Variants in CDH16 observed in about 807,000 individuals in gnomAD.
CDH16 encodes cadherin 16.
Under a neutral mutation model 87.6 loss-of-function variants are expected in CDH16, and 79 were observed. The observed-to-expected ratio is 0.90, with a 90% CI of 0.75 to 1.09. The LOEUF is 1.09. Among genes scored for constraint, CDH16 ranks in the 50% least tolerant of loss-of-function variants. The pLI is 0.00. For synonymous variants in CDH16, 457 were observed against 439.5 expected (o/e 1.04, Z -0.50); for missense variants, 1,124 against 1,071.7 (o/e 1.05, Z -0.68).
At chr16:66,912,609 G>C in intron 10 of CDH16, 29 bp from the exon 11 acceptor site, 1 of 1,614,142 alleles carries the variant, frequency 6.2e-7, no homozygotes, top group Non-Finnish European at 8.5e-7. Context: ...TGTTGGTGAG[G>C]TCAGGGTAGG....
chr16:66,908,242 C>T lies in CDH16; in HGVS notation c.*150G>A. ...TGGTGTCCAGGCTCTGCAGACATGC[C>T]TGGTGATGGTGATGGTGCCTCCACC... On this transcript the variant is annotated 3_prime_UTR_variant, in exon 18 of 18. Coordinates refer to ENST00000299752, the MANE Select transcript of CDH16 (RefSeq NM_004062.4). The T allele has an allele frequency of 1.6e-6, 1 of 633,558 alleles. No individual in the cohort carries two copies. Among genetic ancestry groups the T allele is most frequent in the Non-Finnish European group, 2.8e-6 (1 of 357,802 alleles). The allele number at this position is 633,558 out of a possible 1,614,324, so 39.2% of individuals were successfully genotyped here. A position where few individuals can be genotyped will look rare whatever the true frequency, so the allele number is the denominator to read the frequency against.
chr16:66,913,023 T>TGTGTG, intron 9 of CDH16, 108 bp downstream of exon 9: 4 of 1,282,286 alleles, frequency 3.1e-6, no homozygotes, highest in Non-Finnish European at 4.4e-6. Flanking sequence ...TGTGTGTGTG[T>TGTGTG]TATGGAGGGA....
rs1010255757 is a variant in CDH16 at position 66,908,203 on chromosome 16, G to T, written c.*189C>A. 2 of 598,734 alleles carry T rather than the reference G, an allele frequency of 3.3e-6. No homozygotes were observed. Among genetic ancestry groups the T allele is most frequent in the Non-Finnish European group, 6.0e-6 (2 of 335,606 alleles). The allele number at this position is 598,734 out of a possible 1,614,324, so 37.1% of individuals were successfully genotyped here. On this transcript the variant is annotated 3_prime_UTR_variant, in exon 18 of 18. Coordinates refer to ENST00000299752, the MANE Select transcript of CDH16 (RefSeq NM_004062.4). Reference sequence around the variant, plus strand: ...CCTGACATTTGGAGCACTCCCATGGGCAGTCCATAAAGTTGGTGTCCAGGC... The same window carrying T: ...CCTGACATTTGGAGCACTCCCATGGTCAGTCCATAAAGTTGGTGTCCAGGC...
At position 66,913,189 on chromosome 16, in the gene CDH16, G is replaced by A. The variant is rs768163050; in HGVS notation, c.996C>T (p.Asn332=). 38 of 1,606,012 alleles carry A rather than the reference G, an allele frequency of 2.4e-5. No individual in the cohort carries two copies. The South Asian group carries it at 3.1e-4, about 13-fold the overall frequency. ...LHVLVMDEND[N]VPICPPRDPT... ...GGTCACGGGGAGGGCAGATAGGCAC[G>A]TTGTCATTCTCATCCATCACCAGCA... is the stretch of plus-strand genomic sequence containing the variant. The change falls in exon 9 of 18, where the codon AAC becomes AAT. Residue 332 remains asparagine (N), a synonymous_variant. Coordinates refer to ENST00000299752, the MANE Select transcript of CDH16 (RefSeq NM_004062.4).
At position 66,915,323 on chromosome 16, in the gene CDH16, G is replaced by C. The variant is rs369996542; in HGVS notation, c.480C>G (p.Asn160Lys). 6.2e-6 allele frequency: 10 copies of C among 1,613,900 alleles called. No individual in the cohort carries two copies. The highest frequency in any genetic ancestry group is 7.6e-6 in the Non-Finnish European group (9 of 1,179,986). The change falls in exon 6 of 18, where the codon AAC (asparagine) becomes AAG (lysine). Residue 160 changes from asparagine (N) to lysine (K), a missense_variant. Transcript: ENST00000299752. ...TCAGGATGTGGAATCGAAGATCCGA[G>C]TTGGCTGTGCCTGGCTCATCCCGGT... is the stretch of plus-strand genomic sequence containing the variant. ...ASDRDEPGTA[N>K]SDLRFHILSQ...
At position 66,910,369 on chromosome 16, in the gene CDH16, C is replaced by G. The variant is rs768749472; in HGVS notation, c.2058G>C (p.Val686=). Residue 686 remains valine (V), a synonymous_variant, in exon 15 of 18, where the codon GTG becomes GTC. Coordinates refer to ENST00000299752, the MANE Select transcript of CDH16 (RefSeq NM_004062.4). The part of the protein sequence containing the change: ...CTPRQDHGLI[V]SGPSKDPDLA... ...GATCGGGGTCCTTGCTGGGTCCACTCACGATCAAGCCATGGTCTTGGCGGG... is the reference window on the plus strand; with the variant it reads ...GATCGGGGTCCTTGCTGGGTCCACTGACGATCAAGCCATGGTCTTGGCGGG... 6.2e-7 allele frequency: 1 copy of G among 1,613,812 alleles called. No individual in the cohort carries two copies. The highest frequency in any genetic ancestry group is 8.5e-7 in the Non-Finnish European group (1 of 1,179,856).
chr16:66,911,948 A>G lies in CDH16; in HGVS notation c.1741T>C (p.Ser581Pro). 1 of 1,612,966 alleles carries G rather than the reference A, an allele frequency of 6.2e-7. No homozygotes were observed. Among genetic ancestry groups the G allele is most frequent in the South Asian group, 1.1e-5 (1 of 91,022 alleles). The change falls in exon 13 of 18, where the codon TCT (serine) becomes CCT (proline). Residue 581 changes from serine to proline, a missense_variant. By Grantham distance (74) the Ser-to-Pro change is moderately conservative. Transcript: ENST00000299752. ...ASVPISAPAG[S>P]FLLTIQPSDP... ...GAGGGCTGGATGGTCAGCAGGAAAG[A>G]GCCGGCTGGGGCACTGATGGGGACA...
rs755192592 is a variant in CDH16 at position 66,909,220 on chromosome 16, ACCAC to A, written c.2392+43_2392+46del. The A allele has an allele frequency of 4.1e-6, 5 of 1,220,124 alleles. No homozygotes were observed. The African/African-American group carries it at 7.4e-5, about 18-fold the overall frequency. 75.6% of individuals were successfully genotyped at this position (1,220,124 alleles called of 1,614,324 possible). On this transcript the variant is annotated intron_variant, in intron 17 of 17. Transcript: ENST00000299752. The surrounding 1 kb of genome is among the most constrained non-coding windows in gnomAD (Gnocchi z 4.1). ...TGTTTATTTGGAGGCTGTGGTCCCA[ACCAC>A]CCATCGCCCTCGCCCACGCAGGTAA...
intron 9 of CDH16, 24 bp from the exon 10 acceptor site, chr16:66,912,915 A>G: frequency 6.3e-7 from 1 of 1,595,694 alleles, no homozygotes; most frequent in Non-Finnish European, 8.5e-7. Context: ...ACCCGCCTGG[A>G]TAGGACCACA....
intron 2 of CDH16, 143 bp downstream of exon 2, chr16:66,917,878 G>A: frequency 1.0e-6 from 1 of 969,890 alleles, no homozygotes; most frequent in Non-Finnish European, 1.5e-6. Flanking sequence ...TCATCCCACA[G>A]TGGCTCTATA....
At position 66,911,940 on chromosome 16, in the gene CDH16, C is replaced by T. The variant is rs1425432940; in HGVS notation, c.1749G>A (p.Leu583=). 2 of 1,612,026 alleles carry T rather than the reference C, an allele frequency of 1.2e-6. No individual in the cohort carries two copies. The highest frequency in any genetic ancestry group is 1.1e-5 in the South Asian group (1 of 90,938). Residue 583 remains leucine, a synonymous_variant, in exon 13 of 18, where the codon CTG becomes CTA. Transcript: ENST00000299752. ...TGGGGTCGGAGGGCTGGATGGTCAG[C>T]AGGAAAGAGCCGGCTGGGGCACTGA... ...VPISAPAGSF[L]LTIQPSDPIS...
In CDH16 at chr16:66,909,130, C is replaced by T. The variant is rs193072096; in HGVS notation, c.2392+137G>A. 1.5e-5 allele frequency: 10 copies of T among 689,064 alleles called. No individual in the cohort carries two copies. The highest frequency in any genetic ancestry group is 1.4e-4 in the Admixed American group (7 of 48,658). The allele number at this position is 689,064 out of a possible 1,614,324, so 42.7% of individuals were successfully genotyped here. On this transcript the variant is annotated intron_variant, in intron 17 of 17. Transcript: ENST00000299752. The surrounding 1 kb of genome is among the most constrained non-coding windows in gnomAD (Gnocchi z 4.1). ...ACAATGACTATGATCAAAGGGCAGGCGCATAATGACTAGGAGAGTTGGGGG... is the reference window on the plus strand; with the variant it reads ...ACAATGACTATGATCAAAGGGCAGGTGCATAATGACTAGGAGAGTTGGGGG...
chr16:66,917,744 C>T lies in CDH16; in HGVS notation c.46-19G>A. On this transcript the variant is annotated intron_variant, in intron 2 of 17. Transcript: ENST00000299752. ...GGAGAGCCTGTGGGAGGATTCTCACCTTGTCACCAGGCTCTATCTTCCTGC... is the reference window on the plus strand; with the variant it reads ...GGAGAGCCTGTGGGAGGATTCTCACTTTGTCACCAGGCTCTATCTTCCTGC... 1 of 1,593,988 alleles carries T rather than the reference C, an allele frequency of 6.3e-7. No homozygotes were observed. Among genetic ancestry groups the T allele is most frequent in the Non-Finnish European group, 8.6e-7 (1 of 1,166,122 alleles).
intron 13 of CDH16, 79 bp from the exon 14 acceptor site, chr16:66,911,394 C>G (rs1319609289): frequency 1.4e-6 from 2 of 1,456,330 alleles, no homozygotes; most frequent in Non-Finnish European, 1.9e-6. Flanking sequence ...GGCTGTGTGA[C>G]TTGCTTAAAT....
Position 66,911,929 on chromosome 16 carries a change from T to C in CDH16, c.1760A>G (p.Gln587Arg). 6.2e-7 allele frequency: 1 copy of C among 1,610,744 alleles called. No homozygotes were observed. Among genetic ancestry groups the C allele is most frequent in the Non-Finnish European group, 8.5e-7 (1 of 1,177,528 alleles). The change falls in exon 13 of 18, where the codon CAG (glutamine) becomes CGG (arginine). Residue 587 changes from glutamine to arginine, a missense_variant. By Grantham distance (43) the Gln-to-Arg change is conservative. Coordinates refer to ENST00000299752, the MANE Select transcript of CDH16 (RefSeq NM_004062.4). Reference protein sequence around the residue: ...APAGSFLLTIQPSDPISRTLR... With the variant: ...APAGSFLLTIRPSDPISRTLR... ...GGTTCGGCTGATGGGGTCGGAGGGC[T>C]GGATGGTCAGCAGGAAAGAGCCGGC...
In CDH16 at chr16:66,909,273, C is replaced by T. The variant is rs1200374191; in HGVS notation, c.2386G>A (p.Ala796Thr). ...AVGILVGTLVAIGIFLILIFT... is the reference protein window; with the variant it reads ...AVGILVGTLVTIGIFLILIFT... ...AATGTCCAACCTCCATTACCTATTG[C>T]TACCAGGGTGCCTACAAGGATGCCC... Residue 796 changes from alanine (A) to threonine (T), a missense_variant, in exon 17 of 18, where the codon GCA becomes ACA. Coordinates refer to ENST00000299752, the MANE Select transcript of CDH16 (RefSeq NM_004062.4). The surrounding 1 kb of genome is among the most constrained non-coding windows in gnomAD (Gnocchi z 4.1). 1.9e-6 allele frequency: 3 copies of T among 1,606,042 alleles called. No individual in the cohort carries two copies. The highest frequency in any genetic ancestry group is 1.7e-6 in the Non-Finnish European group (2 of 1,172,774).
chr16:66,912,320 A>G lies in CDH16; in HGVS notation c.1470T>C (p.Ile490=), dbSNP rs962665796. 1 of 1,614,054 alleles carries G rather than the reference A, an allele frequency of 6.2e-7. No homozygotes were observed. Among genetic ancestry groups the G allele is most frequent in the Non-Finnish European group, 8.5e-7 (1 of 1,179,996 alleles). ...AAGTCCCTTCTGTGTCTCCCCTCTC[A>G]ATGGCAAAATCCATGAGGCGGAAGG... ...EPAFRLMDFA[I]ERGDTEGTFG... The change falls in exon 12 of 18, where the codon ATT becomes ATC. Residue 490 remains isoleucine, a synonymous_variant. Coordinates refer to ENST00000299752, the MANE Select transcript of CDH16 (RefSeq NM_004062.4).
In CDH16 at chr16:66,916,449, G is replaced by A. The variant is rs199641035; in HGVS notation, c.130-20C>T. On this transcript the variant is annotated intron_variant, in intron 3 of 17. Coordinates refer to ENST00000299752, the MANE Select transcript of CDH16 (RefSeq NM_004062.4). The surrounding 1 kb of genome is among the most constrained non-coding windows in gnomAD (Gnocchi z 4.1). ...CGGCAACTGATGGAAATGAACAGAA[G>A]TGAAGGGAGCGGTGGCCAGGCCTGG... The A allele has an allele frequency of 8.3e-6, 13 of 1,573,526 alleles. No individual in the cohort carries two copies. The highest frequency in any genetic ancestry group is 5.4e-5 in the African/African-American group (4 of 74,014).
chr16:66,915,862 C>T (rs1962655290), intron 5 of CDH16, among the ~76,000 whole-genome samples: 1 of 151,980 alleles, frequency 6.6e-6, no homozygotes, highest in Non-Finnish European at 1.5e-5. Flanking sequence ...CGCCATTGCG[C>T]TCCACTCCAA....
Sources: allele counts gnomAD v4.1 joint callset (sites outside exome capture counted in the v4.1 genomes callset), GRCh38; gene constraint gnomAD v4.1.1; non-coding constraint Gnocchi (gnomAD v3.1); transcripts MANE v1.5; gene names NCBI Gene and HGNC (gene_info 2026-07-23, HGNC 2026-07-21).